Variants in NRG1 observed in about 807,000 individuals in gnomAD.
NRG1 encodes the protein neuregulin 1.
A neutral mutation model predicts 63.8 loss-of-function variants in NRG1; 18 were observed. The ratio of observed to expected loss-of-function variants is 0.28; its 90% CI spans 0.19 to 0.42. The LOEUF is 0.42. Among genes scored for constraint, NRG1 ranks in the 10% least tolerant of loss-of-function variants. The probability of loss-of-function intolerance (pLI) is 1.00; values close to 1 mark genes in which losing one functional copy is unlikely to be tolerated. For missense variants in NRG1, 762 were observed against 814.7 expected (o/e 0.94, Z 0.79); for synonymous variants, 302 against 301.3 (o/e 1.00, Z -0.02).
intron 1 of NRG1, among the ~76,000 whole-genome samples, chr8:32,499,254 A>T (rs1329770789): frequency 1.3e-5 from 2 of 152,200 alleles, no homozygotes; most frequent in African/African-American, 4.8e-5. Context: ...TTTGGCCTTT[A>T]TGCTATGTGA....
chr8:32,259,411 G>T (rs1481728), intron 1 of NRG1, among the ~76,000 whole-genome samples: 26,869 of 151,906 alleles, frequency 0.18, 2,764 homozygotes, highest in African/African-American at 0.27. Flanking sequence ...TTTCACCCCC[G>T]TCCACTCCAT....
At chr8:32,526,493 A>C (rs1247605966) in intron 1 of NRG1, among the ~76,000 whole-genome samples, 1 of 152,212 alleles carries the variant, frequency 6.6e-6, no homozygotes, top group Admixed American at 6.5e-5. Context: ...GCCCATACTC[A>C]AAGTGAGGAG....
intron 5 of NRG1, among the ~76,000 whole-genome samples, chr8:32,694,633 T>C (rs1421351607): frequency 2.6e-5 from 4 of 152,158 alleles, no homozygotes; most frequent in Non-Finnish European, 5.9e-5. Flanking sequence ...TAAAATTAGG[T>C]CATGTCTAAA....
intron 1 of NRG1, among the ~76,000 whole-genome samples, chr8:32,097,303 C>T (rs1353102294): frequency 6.6e-6 from 1 of 152,146 alleles, no homozygotes; most frequent in Non-Finnish European, 1.5e-5. Context: ...CAACAATAAA[C>T]ATAGGTGTGA....
chr8:32,607,321 G>A (rs12680339), intron 3 of NRG1, among the ~76,000 whole-genome samples: 3 of 152,048 alleles, frequency 2.0e-5, no homozygotes, highest in South Asian at 2.1e-4. Context: ...TTTGAAGCTC[G>A]TTCTCCTTAG....
intron 7 of NRG1, among the ~76,000 whole-genome samples, chr8:32,746,033 G>A (rs1827367915): frequency 6.6e-6 from 1 of 152,044 alleles, no homozygotes; most frequent in Admixed American, 6.6e-5. Context: ...CATCAAACAT[G>A]TATCTTGCTA....
chr8:32,021,086 A>T (rs1816358480), intron 1 of NRG1, among the ~76,000 whole-genome samples: 1 of 152,242 alleles, frequency 6.6e-6, no homozygotes, highest in Non-Finnish European at 1.5e-5. Context: ...CCATTTAAAC[A>T]GCACTACATT....
chr8:31,985,731 C>A (rs759536053), intron 1 of NRG1, among the ~76,000 whole-genome samples: 2 of 151,986 alleles, frequency 1.3e-5, no homozygotes, highest in Non-Finnish European at 2.9e-5. Flanking sequence ...TTAAAATATC[C>A]AATTTATTGG....
At chr8:32,345,419 G>T (rs1804759557) in intron 1 of NRG1, among the ~76,000 whole-genome samples, 1 of 152,120 alleles carries the variant, frequency 6.6e-6, no homozygotes, top group African/African-American at 2.4e-5. Context: ...CTGTTTCAGT[G>T]GTTTCAAAGT....
At chr8:31,972,402 C>CTTTCTTGGCACTTGTTACT (rs1807444093) in intron 1 of NRG1, among the ~76,000 whole-genome samples, 1 of 152,150 alleles carries the variant, frequency 6.6e-6, no homozygotes, top group South Asian at 2.1e-4. Flanking sequence ...CATATGTCGA[C>CTTTCTTGGCACTTGTTACT]AGGAATCTAC....
intron 1 of NRG1, among the ~76,000 whole-genome samples, chr8:32,234,690 G>A (rs1158114286): frequency 1.3e-5 from 2 of 152,106 alleles, no homozygotes; most frequent in Non-Finnish European, 2.9e-5. Flanking sequence ...TAAATTCTGG[G>A]CCTCCTCAAA....
intron 1 of NRG1, among the ~76,000 whole-genome samples, chr8:32,265,545 A>G (rs1850837335): frequency 6.6e-6 from 1 of 152,152 alleles, no homozygotes; most frequent in South Asian, 2.1e-4. Context: ...AAATACAATA[A>G]AAACTAATGT....
At chr8:32,322,386 T>C (rs985746541) in intron 1 of NRG1, among the ~76,000 whole-genome samples, 1 of 150,472 alleles carries the variant, frequency 6.6e-6, no homozygotes, top group Admixed American at 6.6e-5. Context: ...TACCCATTAA[T>C]TTGATTGTTT....
chr8:31,874,264 A>C (rs1389965331), intron 1 of NRG1, among the ~76,000 whole-genome samples: 1 of 152,244 alleles, frequency 6.6e-6, no homozygotes, highest in Non-Finnish European at 1.5e-5. Flanking sequence ...TGCCATAAAT[A>C]AGAGACTTAA....
At chr8:32,367,432 G>A (rs943615705) in intron 1 of NRG1, among the ~76,000 whole-genome samples, 1 of 151,582 alleles carries the variant, frequency 6.6e-6, no homozygotes, top group Non-Finnish European at 1.5e-5. Flanking sequence ...ATACCTGCTA[G>A]CCAATTGTAT....
At chr8:32,748,806 A>G in intron 7 of NRG1, 1 of 438,904 alleles carries the variant, frequency 2.3e-6, no homozygotes, top group South Asian at 1.6e-5. Flanking sequence ...TGAGGCGTAG[A>G]ATTGTCCTAT....
chr8:32,456,518 G>T (rs931104371), intron 1 of NRG1, among the ~76,000 whole-genome samples: 3 of 152,172 alleles, frequency 2.0e-5, no homozygotes, highest in African/African-American at 7.2e-5. Context: ...GATGACCAGG[G>T]TAAAGACCTT....
intron 1 of NRG1, among the ~76,000 whole-genome samples, chr8:32,397,762 C>T (rs1812632041): frequency 6.6e-6 from 1 of 152,204 alleles, no homozygotes; most frequent in Non-Finnish European, 1.5e-5. Context: ...CAGCACTCAC[C>T]TCAGTGATAC....
intron 1 of NRG1, among the ~76,000 whole-genome samples, chr8:31,880,934 G>A (rs1386774807): frequency 6.6e-6 from 1 of 152,086 alleles, no homozygotes; most frequent in Admixed American, 6.5e-5. Flanking sequence ...TGTCTATCTT[G>A]GATTGATCTA....
Sources: gnomAD v4.1 joint callset for allele counts (sites outside exome capture counted in the v4.1 genomes callset) on GRCh38, gnomAD v4.1.1 for gene constraint, MANE v1.5 for transcripts, NCBI Gene and HGNC (gene_info 2026-07-23, HGNC 2026-07-21) for gene names.